DPH6: variants seen among roughly 807,000 people sequenced by gnomAD.
The protein encoded by DPH6 is diphthine--ammonia ligase.
DPH6 carries 33 observed loss-of-function variants against 38.2 expected under a neutral mutation model. The ratio of observed to expected loss-of-function variants is 0.86; its 90% CI spans 0.65 to 1.15. The LOEUF is 1.15. DPH6 is among the 50% of genes most tolerant of loss of function. The probability of loss-of-function intolerance (pLI) is 0.00; values close to 1 mark genes in which losing one functional copy is unlikely to be tolerated. For synonymous variants in DPH6, 108 were observed against 103.0 expected (o/e 1.05, Z -0.30); for missense variants, 325 against 320.0 (o/e 1.02, Z -0.12).
intron 3 of DPH6, among the ~76,000 whole-genome samples, chr15:35,310,861 C>T (rs906269339): frequency 2.0e-5 from 3 of 150,966 alleles, no homozygotes; most frequent in African/African-American, 7.3e-5. Context: ...ACCAGCCTGA[C>T]CAACATGGAG....
intron 3 of DPH6, among the ~76,000 whole-genome samples, chr15:35,457,857 A>G (rs2054015958): frequency 6.6e-6 from 1 of 152,146 alleles, no homozygotes; most frequent in Non-Finnish European, 1.5e-5. Context: ...TATTACTTCT[A>G]TAACTACCTG....
chr15:35,261,633 G>C (rs1595451192), intron 3 of DPH6, among the ~76,000 whole-genome samples: 1 of 152,108 alleles, frequency 6.6e-6, no homozygotes, highest in East Asian at 1.9e-4. Flanking sequence ...AGGAGTTTGA[G>C]ACCAGCCTGG....
intron 4 of DPH6, among the ~76,000 whole-genome samples, chr15:35,454,182 A>G (rs2053968641): frequency 6.6e-6 from 1 of 152,174 alleles, no homozygotes; most frequent in Non-Finnish European, 1.5e-5. Flanking sequence ...GCAGTTACAG[A>G]CTAAATGCTT....
At chr15:35,279,148 G>A (rs2051880635) in intron 3 of DPH6, among the ~76,000 whole-genome samples, 1 of 149,564 alleles carries the variant, frequency 6.7e-6, no homozygotes, top group Non-Finnish European at 1.5e-5. Flanking sequence ...GGGGCCTATT[G>A]CCCCTTTTTT....
chr15:35,515,723 A>G (rs367898158), intron 3 of DPH6, among the ~76,000 whole-genome samples: 618 of 9,790 alleles, frequency 0.063, 4 homozygotes, highest in African/African-American at 0.2. Context: ...TCCGTCTCAG[A>G]AAAAAAAAAA....
At chr15:35,531,522 G>A (rs1482324317) in intron 3 of DPH6, among the ~76,000 whole-genome samples, 1 of 152,096 alleles carries the variant, frequency 6.6e-6, no homozygotes, top group Non-Finnish European at 1.5e-5. Flanking sequence ...CCCAGGCTGT[G>A]GAGTACAGTG....
chr15:35,269,689 C>T (rs544165073), intron 3 of DPH6, among the ~76,000 whole-genome samples: 6 of 151,370 alleles, frequency 4.0e-5, no homozygotes, highest in Admixed American at 6.6e-5. Context: ...CCGCCCGCCT[C>T]GGCCTCCCAA....
chr15:35,533,966 A>G (rs1407327667), intron 3 of DPH6, among the ~76,000 whole-genome samples: 2 of 152,152 alleles, frequency 1.3e-5, no homozygotes, highest in Non-Finnish European at 2.9e-5. Context: ...AGTCAAAAGC[A>G]TTCACAGTCA....
chr15:35,364,561 C>G (rs566113854), intron 3 of DPH6, among the ~76,000 whole-genome samples: 62 of 152,114 alleles, frequency 4.1e-4, no homozygotes, highest in African/African-American at 1.5e-3. Context: ...GATATTATTG[C>G]TGGGTACAGA....
intron 3 of DPH6, among the ~76,000 whole-genome samples, chr15:35,225,638 T>C (rs2051475370): frequency 1.3e-5 from 2 of 152,314 alleles, no homozygotes; most frequent in Admixed American, 1.3e-4. Flanking sequence ...CTGCCCCAGA[T>C]ACAGAATCAG....
At chr15:35,158,775 C>A in the DPH6 span, among the ~76,000 whole-genome samples, 2 of 152,124 alleles carry the variant, frequency 1.3e-5, no homozygotes, top group Non-Finnish European at 2.9e-5. Flanking sequence ...CAAAAGATTA[C>A]TGGAAATGAT....
chr15:35,282,227 A>G (rs1208195597), intron 3 of DPH6, among the ~76,000 whole-genome samples: 1 of 152,184 alleles, frequency 6.6e-6, no homozygotes, highest in Non-Finnish European at 1.5e-5. Context: ...GCTGAAGTGC[A>G]GCAGTGCAAT....
intron 3 of DPH6, among the ~76,000 whole-genome samples, chr15:35,315,886 C>T (rs553932079): frequency 6.6e-6 from 1 of 152,170 alleles, no homozygotes; most frequent in African/African-American, 2.4e-5. Flanking sequence ...CTGTCATTTG[C>T]AGCAACATGG....
intron 3 of DPH6, among the ~76,000 whole-genome samples, chr15:35,254,499 G>T (rs1259876339): frequency 1.3e-5 from 2 of 151,980 alleles, no homozygotes; most frequent in African/African-American, 2.4e-5. Flanking sequence ...TTTCATTCTG[G>T]TTTTAAAATA....
chr15:35,275,003 C>T (rs1258312700), intron 3 of DPH6, among the ~76,000 whole-genome samples: 1 of 152,092 alleles, frequency 6.6e-6, no homozygotes, highest in Non-Finnish European at 1.5e-5. Context: ...CAAGCTCTGC[C>T]TCCCGGGTTC....
chr15:35,236,633 T>C (rs2051553858), intron 3 of DPH6, among the ~76,000 whole-genome samples: 1 of 147,172 alleles, frequency 6.8e-6, no homozygotes. Context: ...AGACAGAGAC[T>C]CCATCTCAAA....
At chr15:35,233,416 T>G (rs998834475) in intron 3 of DPH6, among the ~76,000 whole-genome samples, 5 of 152,188 alleles carry the variant, frequency 3.3e-5, no homozygotes, top group African/African-American at 1.2e-4. Context: ...AAATTCTTTT[T>G]GTTGTTATAA....
chr15:35,226,426 C>T (rs1180527743), intron 3 of DPH6, among the ~76,000 whole-genome samples: 2 of 151,450 alleles, frequency 1.3e-5, no homozygotes, highest in Non-Finnish European at 2.9e-5. Flanking sequence ...AAAGTTTCCA[C>T]ATACATTTAA....
chr15:35,158,217 T>G, the DPH6 span, among the ~76,000 whole-genome samples: 143 of 70,820 alleles, frequency 2.0e-3, no homozygotes, highest in African/African-American at 4.8e-3. Context: ...AGGGCAGAAA[T>G]GAGGGGAAAA....
Sources: allele counts gnomAD v4.1 joint callset (sites outside exome capture counted in the v4.1 genomes callset), GRCh38; gene constraint gnomAD v4.1.1; transcripts MANE v1.5; gene names NCBI Gene and HGNC (gene_info 2026-07-23, HGNC 2026-07-21).